Variants in TENM2 observed in about 807,000 individuals in gnomAD.
TENM2 encodes teneurin transmembrane protein 2.
Under a neutral mutation model 245.2 loss-of-function variants are expected in TENM2, and 52 were observed. The ratio of observed to expected loss-of-function variants is 0.21; its 90% CI spans 0.17 to 0.27. The LOEUF is 0.27. Ranked by LOEUF, TENM2 falls within the 10% of genes least tolerant of loss-of-function variation. The pLI is 1.00. For synonymous variants in TENM2, 1,363 were observed against 1,438.9 expected (o/e 0.95, Z 1.19); for missense variants, 3,046 against 3,666.8 (o/e 0.83, Z 4.37).
At chr5:167,071,359 A>G in the TENM2 span, among the ~76,000 whole-genome samples, 72 of 152,320 alleles carry the variant, frequency 4.7e-4, no homozygotes, top group African/African-American at 1.7e-3. Flanking sequence ...AAGGTAGGAT[A>G]TAATTAAGTG....
intron 1 of TENM2, among the ~76,000 whole-genome samples, chr5:167,291,766 G>T (rs1308200010): frequency 6.6e-6 from 1 of 152,224 alleles, no homozygotes; most frequent in African/African-American, 2.4e-5. Flanking sequence ...GATAGCTGCA[G>T]TAGACTGTAA....
intron 2 of TENM2, among the ~76,000 whole-genome samples, chr5:167,414,604 A>G (rs1381500694): frequency 6.6e-6 from 1 of 152,064 alleles, no homozygotes; most frequent in Non-Finnish European, 1.5e-5. Flanking sequence ...AGCTTCCTCT[A>G]TCTGATTGTT....
chr5:167,658,512 G>A (rs1754998581), intron 2 of TENM2, among the ~76,000 whole-genome samples: 1 of 151,978 alleles, frequency 6.6e-6, no homozygotes, highest in Admixed American at 6.6e-5. Context: ...CCCATTCATG[G>A]CAGTTCTGCC....
intron 8 of TENM2, 24 bp downstream of exon 10, chr5:168,090,793 G>T (rs1792875006): frequency 6.3e-7 from 1 of 1,591,058 alleles, no homozygotes; most frequent in Non-Finnish European, 8.6e-7. Context: ...CTCTGAGATG[G>T]TACGCCATGA....
chr5:168,098,593 A>G (rs1793555147), intron 9 of TENM2, among the ~76,000 whole-genome samples: 1 of 152,330 alleles, frequency 6.6e-6, no homozygotes, highest in East Asian at 1.9e-4. Flanking sequence ...TGCTGTGCAC[A>G]GAATAGCTGG....
chr5:168,225,218 T>C (rs1422803080), intron 23 of TENM2, among the ~76,000 whole-genome samples: 1 of 152,072 alleles, frequency 6.6e-6, no homozygotes, highest in African/African-American at 2.4e-5. Context: ...AGCCAGGCCT[T>C]CTATGCTGAG....
At chr5:167,683,824 T>C (rs190016529) in intron 2 of TENM2, among the ~76,000 whole-genome samples, 112 of 152,348 alleles carry the variant, frequency 7.4e-4, no homozygotes, top group African/African-American at 2.5e-3. Context: ...CCAGCTTCAC[T>C]CTCCAACACA....
the TENM2 span, among the ~76,000 whole-genome samples, chr5:167,066,960 C>T: frequency 6.6e-6 from 1 of 152,120 alleles, no homozygotes; most frequent in Admixed American, 6.6e-5. Context: ...ATTTTATATA[C>T]TTTAGCAAAA....
At chr5:167,480,188 C>A (rs537232516) in intron 2 of TENM2, among the ~76,000 whole-genome samples, 5 of 152,186 alleles carry the variant, frequency 3.3e-5, no homozygotes, top group African/African-American at 1.2e-4. Flanking sequence ...TCTTTTCCAT[C>A]CCAGCCTAAG....
chr5:167,362,970 GACC>G (rs1358911380), intron 1 of TENM2, among the ~76,000 whole-genome samples: 2 of 152,058 alleles, frequency 1.3e-5, no homozygotes, highest in Admixed American at 1.3e-4. Flanking sequence ...TATTGCATGT[GACC>G]ACAAGATGCA....
chr5:167,897,205 A>C (rs1048372650), intron 3 of TENM2, among the ~76,000 whole-genome samples: 1 of 152,168 alleles, frequency 6.6e-6, no homozygotes, highest in African/African-American at 2.4e-5. Flanking sequence ...TTTTTCCTCC[A>C]ATTTAGCAAG....
At chr5:168,101,307 C>T (rs768498068) in intron 9 of TENM2, among the ~76,000 whole-genome samples, 6 of 152,048 alleles carry the variant, frequency 3.9e-5, no homozygotes, top group Non-Finnish European at 7.4e-5. Flanking sequence ...CCGCACGGCC[C>T]GTGAGCTGTA....
At chr5:167,773,479 T>C (rs560226646) in intron 2 of TENM2, among the ~76,000 whole-genome samples, 156 of 152,292 alleles carry the variant, frequency 1.0e-3, no homozygotes, top group African/African-American at 3.6e-3. Context: ...CCAAATGACA[T>C]CAACTTCATA....
the TENM2 span, among the ~76,000 whole-genome samples, chr5:167,100,572 C>CT: frequency 1.3e-5 from 2 of 152,226 alleles, no homozygotes; most frequent in African/African-American, 4.8e-5. Context: ...AGACCCTGTT[C>CT]TTTTTGCTTT....
chr5:167,124,272 A>G, the TENM2 span, among the ~76,000 whole-genome samples: 4 of 152,224 alleles, frequency 2.6e-5, no homozygotes, highest in African/African-American at 9.6e-5. Flanking sequence ...GTAAAGACAG[A>G]AGGAGATTTT....
intron 1 of TENM2, among the ~76,000 whole-genome samples, chr5:167,361,367 T>G (rs577105641): frequency 1.3e-5 from 2 of 152,288 alleles, no homozygotes; most frequent in African/African-American, 4.8e-5. Flanking sequence ...GATTAAGAAT[T>G]TGATTTATAT....
intron 2 of TENM2, among the ~76,000 whole-genome samples, chr5:167,565,528 T>G (rs1197156851): frequency 1.3e-5 from 2 of 152,238 alleles, no homozygotes; most frequent in Non-Finnish European, 2.9e-5. Flanking sequence ...ACATTTAGCT[T>G]CCATAATGCA....
chr5:167,862,740 G>C (rs1771937014), intron 2 of TENM2, among the ~76,000 whole-genome samples: 1 of 152,228 alleles, frequency 6.6e-6, no homozygotes, highest in Admixed American at 6.5e-5. Flanking sequence ...CCTTGACGAA[G>C]AAAGTAAGCC....
In TENM2 at chr5:167,828,387, T is replaced by C. The variant is rs534958922; in HGVS notation, c.503-47599T>C. 1.6e-4 allele frequency among the ~76,000 whole-genome samples: 24 copies of C among 152,326 alleles called. No homozygotes were observed. In the South Asian group the frequency reaches 5.0e-3, roughly 32 times the overall value. On this transcript the variant is annotated intron_variant, in intron 2 of 28. Coordinates refer to ENST00000518659, the Ensembl canonical transcript of TENM2. ...CTGTTTCAGGATCCAGTTTGTTCTT[T>C]GCAGCACCTGTCACACCATTTTAAG...
Sources: gnomAD v4.1 joint callset for allele counts (sites outside exome capture counted in the v4.1 genomes callset) on GRCh38, gnomAD v4.1.1 for gene constraint, MANE v1.5 for transcripts, NCBI Gene and HGNC (gene_info 2026-07-23, HGNC 2026-07-21) for gene names.